FGF14: variants seen among roughly 807,000 people sequenced by gnomAD.
FGF14 encodes fibroblast growth factor 14.
Under a neutral mutation model 25.5 loss-of-function variants are expected in FGF14, and 5 were observed. That is an observed-to-expected ratio of 0.20 (90% CI 0.10 to 0.41). The LOEUF is 0.41. Ranked by LOEUF, FGF14 falls within the 10% of genes least tolerant of loss-of-function variation. FGF14 has a pLI of 1.00. For missense variants in FGF14, 222 were observed against 320.1 expected (o/e 0.69, Z 2.34); for synonymous variants, 138 against 118.3 (o/e 1.17, Z -1.08).
At chr13:102,302,137 A>C (rs1336664) in intron 1 of FGF14, among the ~76,000 whole-genome samples, 118,602 of 152,066 alleles carry the variant, frequency 0.78, 47,227 homozygotes, top group African/African-American at 0.95. Flanking sequence ...TTCTTACCAG[A>C]TTAAGGAGAA....
intron 1 of FGF14, among the ~76,000 whole-genome samples, chr13:102,170,863 G>C (rs1304518451): frequency 6.6e-6 from 1 of 152,162 alleles, no homozygotes; most frequent in South Asian, 2.1e-4. Flanking sequence ...TAACTTCTGG[G>C]TTATTTTCAT....
intron 1 of FGF14, among the ~76,000 whole-genome samples, chr13:102,211,935 T>C (rs1310545657): frequency 6.6e-6 from 1 of 152,234 alleles, no homozygotes; most frequent in Admixed American, 6.5e-5. Context: ...ATTTTTCTCG[T>C]ATCAATCCTA....
intron 3 of FGF14, among the ~76,000 whole-genome samples, chr13:101,845,324 CAAA>C (rs2043399297): frequency 1.3e-5 from 2 of 151,950 alleles, no homozygotes; most frequent in South Asian, 4.1e-4. Flanking sequence ...TGCAAAACAA[CAAA>C]AAACAGTTCT....
Position 102,107,932 on chromosome 13 carries a change from A to G in FGF14, c.209-232636T>C, listed in dbSNP as rs2045008199. 1.3e-5 allele frequency among the ~76,000 whole-genome samples: 2 copies of G among 152,200 alleles called. 1 individual carries two copies. The highest frequency in any genetic ancestry group is 2.9e-5 in the Non-Finnish European group (2 of 68,040). On this transcript the variant is annotated intron_variant, in intron 1 of 4. Transcript: ENST00000376131. ...AGTACGTTATGTAGTTTTCACAAAGATATTTAATCTCATTTGGAAATTCAT... is the reference window on the plus strand; with the variant it reads ...AGTACGTTATGTAGTTTTCACAAAGGTATTTAATCTCATTTGGAAATTCAT...
In FGF14 at chr13:102,292,278, C is replaced by CAAAAAA. The variant is rs10593906; in HGVS notation, c.208+109187_208+109192dup. 2.8e-4 allele frequency: 19 copies of CAAAAAA among 66,778 alleles called. 1 individual carries two copies. The highest frequency in any genetic ancestry group is 1.1e-3 in the African/African-American group (18 of 16,470). 4.1% of individuals were successfully genotyped at this position (66,778 alleles called of 1,614,324 possible). A position where few individuals can be genotyped will look rare whatever the true frequency, so the allele number is the denominator to read the frequency against. On this transcript the variant is annotated intron_variant, in intron 1 of 4. Transcript: ENST00000376131. ...ATATTTCCTACCTTATACTCTATAG[C>CAAAAAA]AAAAAAAAAAAAAAAAAAAAAAAAA...
intron 4 of FGF14, among the ~76,000 whole-genome samples, chr13:101,724,598 ATATAT>A (rs1237472742): frequency 8.0e-3 from 6 of 748 alleles, no homozygotes; most frequent in African/African-American, 0.011. Flanking sequence ...TAATAATAAA[ATATAT>A]ATATATATAT....
At chr13:102,324,180 T>C (rs1489416532) in intron 1 of FGF14, among the ~76,000 whole-genome samples, 2 of 152,002 alleles carry the variant, frequency 1.3e-5, no homozygotes, top group Non-Finnish European at 2.9e-5. Context: ...AACTCTAAGA[T>C]AAAAGTGGAA....
chr13:101,772,685 C>T (rs2038854612), intron 3 of FGF14, among the ~76,000 whole-genome samples: 1 of 152,094 alleles, frequency 6.6e-6, no homozygotes, highest in African/African-American at 2.4e-5. Context: ...GGCAATGAAG[C>T]AATGTTAAGA....
At chr13:102,325,327 G>A (rs374341357) in intron 1 of FGF14, among the ~76,000 whole-genome samples, 2 of 152,026 alleles carry the variant, frequency 1.3e-5, no homozygotes, top group Non-Finnish European at 2.9e-5. Flanking sequence ...TTAGAAAAAC[G>A]TTGTGAAATT....
intron 1 of FGF14, among the ~76,000 whole-genome samples, chr13:102,161,657 A>C (rs867353472): frequency 5.6e-4 from 9 of 15,974 alleles, no homozygotes; most frequent in Non-Finnish European, 7.5e-4. Context: ...AAGAAGAAGA[A>C]GAAGAAGAAG....
chr13:102,275,236 C>CTCTCTCTCTA (rs2053459423), intron 1 of FGF14, among the ~76,000 whole-genome samples: 1 of 88,808 alleles, frequency 1.1e-5, no homozygotes, highest in Non-Finnish European at 2.1e-5. Context: ...AGGCAGATTT[C>CTCTCTCTCTA]TCTCTCTCTC....
intron 1 of FGF14, among the ~76,000 whole-genome samples, chr13:101,931,508 C>A (rs1445281955): frequency 1.3e-5 from 2 of 152,180 alleles, no homozygotes; most frequent in Non-Finnish European, 2.9e-5. Flanking sequence ...GGATGCTCCC[C>A]TCTCTCCTCC....
chr13:102,392,391 C>A (rs1348947492), intron 1 of FGF14, among the ~76,000 whole-genome samples: 1 of 152,094 alleles, frequency 6.6e-6, no homozygotes, highest in Non-Finnish European at 1.5e-5. Context: ...TGTACATAAT[C>A]GTTTAAAAAA....
chr13:101,966,012 T>C (rs745473242), intron 1 of FGF14, among the ~76,000 whole-genome samples: 1 of 152,204 alleles, frequency 6.6e-6, no homozygotes, highest in Non-Finnish European at 1.5e-5. Context: ...TTCCTGTACC[T>C]AAATTTTTCT....
intron 1 of FGF14, among the ~76,000 whole-genome samples, chr13:101,906,010 G>A (rs1174636356): frequency 2.0e-5 from 3 of 150,990 alleles, no homozygotes; most frequent in African/African-American, 7.3e-5. Context: ...CATCTGAGCA[G>A]ATGCAGTGAA....
At chr13:101,822,080 T>C (rs1469318901) in intron 3 of FGF14, among the ~76,000 whole-genome samples, 1 of 152,214 alleles carries the variant, frequency 6.6e-6, no homozygotes, top group African/African-American at 2.4e-5. Flanking sequence ...CTGTGTCTAC[T>C]CTCTGATCAT....
At chr13:102,368,566 ACTG>A (rs1291368091) in intron 1 of FGF14, among the ~76,000 whole-genome samples, 5 of 152,142 alleles carry the variant, frequency 3.3e-5, no homozygotes, top group African/African-American at 1.2e-4. Context: ...AAGCTAACAT[ACTG>A]AGTTTATTTG....
intron 1 of FGF14, among the ~76,000 whole-genome samples, chr13:102,062,660 C>T (rs1464253436): frequency 6.6e-6 from 1 of 152,056 alleles, no homozygotes; most frequent in Non-Finnish European, 1.5e-5. Context: ...ATTTCAATTT[C>T]TCCAATTTAT....
intron 1 of FGF14, among the ~76,000 whole-genome samples, chr13:102,097,091 T>C (rs1207482545): frequency 1.3e-5 from 2 of 151,634 alleles, no homozygotes; most frequent in Non-Finnish European, 2.9e-5. Context: ...CAAAAACCTA[T>C]ATTCTTGAAA....
Sources: gnomAD v4.1 joint callset for allele counts (sites outside exome capture counted in the v4.1 genomes callset) on GRCh38, gnomAD v4.1.1 for gene constraint, MANE v1.5 for transcripts, NCBI Gene and HGNC (gene_info 2026-07-23, HGNC 2026-07-21) for gene names.